GABRB1: variants seen among roughly 807,000 people sequenced by gnomAD.
The protein encoded by GABRB1 is gamma-aminobutyric acid type A receptor subunit beta1, also known as gamma-aminobutyric acid receptor subunit beta-1.
A neutral mutation model predicts 51.6 loss-of-function variants in GABRB1; 17 were observed. The observed-to-expected ratio is 0.33, with a 90% CI of 0.23 to 0.49. GABRB1 has a LOEUF of 0.49. Ranked by LOEUF, GABRB1 falls within the 20% of genes least tolerant of loss-of-function variation. The probability of loss-of-function intolerance (pLI) is 0.99; values close to 1 mark genes in which losing one functional copy is unlikely to be tolerated. For missense variants in GABRB1, 410 were observed against 600.6 expected, an observed-to-expected ratio of 0.68 and a Z score of 3.32; for synonymous variants, 247 against 218.9, an observed-to-expected ratio of 1.13 and a Z score of -1.14.
At chr4:47,124,042 AAT>A (rs1293375127) in intron 3 of GABRB1, among the ~76,000 whole-genome samples, 1 of 142,198 alleles carries the variant, frequency 7.0e-6, no homozygotes, top group East Asian at 2.0e-4. Context: ...ACCTGAAAAA[AAT>A]ATATATATAC....
At chr4:47,289,892 A>G (rs958121937) in intron 4 of GABRB1, among the ~76,000 whole-genome samples, 1 of 152,230 alleles carries the variant, frequency 6.6e-6, no homozygotes, top group Non-Finnish European at 1.5e-5. Flanking sequence ...GGCAAAGAAT[A>G]TTGGGAACTT....
chr4:47,220,216 A>G (rs968430656), intron 4 of GABRB1, among the ~76,000 whole-genome samples: 4 of 152,026 alleles, frequency 2.6e-5, no homozygotes, highest in African/African-American at 7.2e-5. Flanking sequence ...TTATTTCAAC[A>G]TTCTTAAACC....
At chr4:47,007,698 T>G (rs1305744224) in intron 1 of GABRB1, among the ~76,000 whole-genome samples, 1 of 151,938 alleles carries the variant, frequency 6.6e-6, no homozygotes, top group Non-Finnish European at 1.5e-5. Flanking sequence ...GAAATTAATC[T>G]TGAAGTCAAT....
At chr4:47,263,412 G>A (rs1026243300) in intron 4 of GABRB1, among the ~76,000 whole-genome samples, 3 of 152,038 alleles carry the variant, frequency 2.0e-5, no homozygotes, top group Admixed American at 1.3e-4. Context: ...AGAAGTCACC[G>A]GGAAGAAGAG....
chr4:47,283,177 A>T (rs1300580274), intron 4 of GABRB1, among the ~76,000 whole-genome samples: 1 of 152,066 alleles, frequency 6.6e-6, no homozygotes, highest in Non-Finnish European at 1.5e-5. Context: ...GAGAGATGGC[A>T]TAGATAATTG....
intron 4 of GABRB1, among the ~76,000 whole-genome samples, chr4:47,249,746 C>T (rs1013836737): frequency 6.6e-6 from 1 of 152,148 alleles, no homozygotes; most frequent in African/African-American, 2.4e-5. Context: ...AGAATAGCTA[C>T]CCCTGCTTGC....
At chr4:47,171,135 T>C (rs1000990590) in intron 4 of GABRB1, among the ~76,000 whole-genome samples, 2 of 152,156 alleles carry the variant, frequency 1.3e-5, no homozygotes, top group Non-Finnish European at 2.9e-5. Flanking sequence ...GGATGTATCA[T>C]TGTGATTAAA....
At chr4:47,261,116 C>G (rs192584321) in intron 4 of GABRB1, among the ~76,000 whole-genome samples, 4 of 152,202 alleles carry the variant, frequency 2.6e-5, no homozygotes, top group Non-Finnish European at 4.4e-5. Context: ...AAAAACTGGA[C>G]GCATTCCCTT....
At chr4:47,423,184 T>A (rs1283786239) in intron 8 of GABRB1, among the ~76,000 whole-genome samples, 1 of 152,150 alleles carries the variant, frequency 6.6e-6, no homozygotes, top group Non-Finnish European at 1.5e-5. Flanking sequence ...ACAGATATGT[T>A]TCATCTGACC....
rs536297596 is a variant in GABRB1, at chr4:47,287,688, A to G, written c.462-32439A>G. On this transcript the variant is annotated intron_variant, in intron 4 of 8. Coordinates refer to ENST00000295454, the MANE Select transcript of GABRB1 (RefSeq NM_000812.4). ...TTACTTCATATGGATAGCATATAGC[A>G]CAAGTGATACAATGTCATGTCTCGA... 3.9e-5 allele frequency among the ~76,000 whole-genome samples: 6 copies of G among 152,324 alleles called. 1 individual carries two copies. The highest frequency in any genetic ancestry group is 1.4e-4 in the African/African-American group (6 of 41,560).
intron 5 of GABRB1, among the ~76,000 whole-genome samples, chr4:47,388,406 A>C (rs187423079): frequency 6.6e-6 from 1 of 152,176 alleles, no homozygotes; most frequent in African/African-American, 2.4e-5. Context: ...GCCAGGGTCG[A>C]AATGGAGTAG....
At chr4:46,997,994 C>A (rs1440615589) in intron 1 of GABRB1, among the ~76,000 whole-genome samples, 2 of 152,124 alleles carry the variant, frequency 1.3e-5, no homozygotes, top group African/African-American at 4.8e-5. Context: ...TTTTGAGGAA[C>A]CTCCATATCG....
rs550964019 is a variant in GABRB1 at position 47,297,095 on chromosome 4, G to A, written c.462-23032G>A. The stretch of plus-strand genomic sequence containing the variant: ...AGACACAACATACCAGAATCTCTGG[G>A]ACACATTCAAAGCAGTGTGTAGAGG... On this transcript the variant is annotated intron_variant, in intron 4 of 8. Coordinates refer to ENST00000295454, the MANE Select transcript of GABRB1 (RefSeq NM_000812.4). Among the ~76,000 whole-genome samples, 47 of 152,076 alleles carry A rather than the reference G, an allele frequency of 3.1e-4. No individual in the cohort carries two copies. In the East Asian group the frequency reaches 8.5e-3, roughly 28 times the overall value.
chr4:47,371,125 C>T (rs1396526012), intron 5 of GABRB1, among the ~76,000 whole-genome samples: 3 of 118,544 alleles, frequency 2.5e-5, no homozygotes, highest in African/African-American at 9.9e-5. Context: ...GTGTATTGTT[C>T]CCCACCATAT....
chr4:47,291,256 G>A (rs1723719704), intron 4 of GABRB1, among the ~76,000 whole-genome samples: 1 of 152,308 alleles, frequency 6.6e-6, no homozygotes, highest in South Asian at 2.1e-4. Context: ...GCTTCCATGT[G>A]GTGTTGAGCC....
intron 4 of GABRB1, among the ~76,000 whole-genome samples, chr4:47,231,466 G>T (rs576751641): frequency 3.3e-5 from 5 of 152,274 alleles, no homozygotes; most frequent in African/African-American, 1.2e-4. Context: ...AGCTGGAAAT[G>T]TTCTGGTTCT....
Position 47,398,372 on chromosome 4 carries a change from T to A in GABRB1, c.545-4946T>A, listed in dbSNP as rs1181544833. ...TCCAACTCTGTACCTCAACTTTCTT[T>A]CTGTTGTCCAATGTCTTGGTTAGTA... On this transcript the variant is annotated intron_variant, in intron 5 of 8. Transcript: ENST00000295454. Among the ~76,000 whole-genome samples, 6 of 152,200 alleles carry A rather than the reference T, an allele frequency of 3.9e-5. No homozygotes were observed. The East Asian group carries it at 1.2e-3, about 29-fold the overall frequency.
Position 47,271,306 on chromosome 4 carries a change from A to C in GABRB1, c.462-48821A>C, listed in dbSNP as rs1384582161. On this transcript the variant is annotated intron_variant, in intron 4 of 8. Coordinates refer to ENST00000295454, the MANE Select transcript of GABRB1 (RefSeq NM_000812.4). Reference sequence around the variant, plus strand: ...GCCACAGAGATAAGCTTGGATAATAAAAGGTTTATTGCCTAAAATAAAACC... The same window carrying C: ...GCCACAGAGATAAGCTTGGATAATACAAGGTTTATTGCCTAAAATAAAACC... Among the ~76,000 whole-genome samples the C allele has an allele frequency of 2.0e-5, 3 of 152,214 alleles. No homozygotes were observed. In the East Asian group the frequency reaches 5.8e-4, roughly 29 times the overall value.
At chr4:47,088,699 T>C (rs1252509411) in intron 3 of GABRB1, among the ~76,000 whole-genome samples, 1 of 152,234 alleles carries the variant, frequency 6.6e-6, no homozygotes, top group Admixed American at 6.5e-5. Context: ...TTGTATTCAC[T>C]ATTTAACAAA....
Sources: gnomAD v4.1 joint callset for allele counts (sites outside exome capture counted in the v4.1 genomes callset) on GRCh38, gnomAD v4.1.1 for gene constraint, MANE v1.5 for transcripts, NCBI Gene and HGNC (gene_info 2026-07-23, HGNC 2026-07-21) for gene names.